FYN: variants seen among roughly 807,000 people sequenced by gnomAD.
FYN encodes the protein FYN proto-oncogene, Src family tyrosine kinase, also known as tyrosine-protein kinase Fyn.
Under a neutral mutation model 70.2 loss-of-function variants are expected in FYN, and 10 were observed. The ratio of observed to expected loss-of-function variants is 0.14; its 90% CI spans 0.09 to 0.24. The LOEUF (loss-of-function observed/expected upper bound fraction) is 0.24. Ranked by LOEUF, FYN falls within the 10% of genes least tolerant of loss-of-function variation. The pLI is 1.00. For synonymous variants in FYN, 236 were observed against 248.6 expected, an observed-to-expected ratio of 0.95 and a Z score of 0.48; for missense variants, 319 against 673.1, an observed-to-expected ratio of 0.47 and a Z score of 5.82.
chr6:111,847,984 C>G (rs2114483173), intron 1 of FYN, among the ~76,000 whole-genome samples: 1 of 152,346 alleles, frequency 6.6e-6, no homozygotes, highest in Non-Finnish European at 1.5e-5. Flanking sequence ...GGAGAAACCG[C>G]CAGGCAATAG....
In FYN at chr6:111,663,034, A is replaced by G. The variant is rs183636915; in HGVS notation, c.1406-1087T>C. On this transcript the variant is annotated intron_variant, in intron 13 of 13. Transcript: ENST00000354650. ...TAACACTACAGGAACTACCATGCTT[A>G]GGGGGTGGCCAGTGTCCTGACCTCC... Among the ~76,000 whole-genome samples the G allele has an allele frequency of 1.2e-3, 177 of 152,334 alleles. 1 individual carries two copies. The highest frequency in any genetic ancestry group is 4.1e-3 in the African/African-American group (169 of 41,568).
intron 1 of FYN, among the ~76,000 whole-genome samples, chr6:111,856,394 A>C (rs1202586921): frequency 6.6e-6 from 1 of 152,214 alleles, no homozygotes; most frequent in Non-Finnish European, 1.5e-5. Context: ...TTATTAAGAA[A>C]ATTAAAAACA....
chr6:111,668,878 G>A (rs1441120565), intron 13 of FYN, among the ~76,000 whole-genome samples: 1 of 152,242 alleles, frequency 6.6e-6, no homozygotes, highest in East Asian at 1.9e-4. Flanking sequence ...CCTGGTTGGA[G>A]AGTCCTAACC....
intron 2 of FYN, among the ~76,000 whole-genome samples, chr6:111,790,202 C>A (rs1040550396): frequency 5.1e-5 from 7 of 138,306 alleles, no homozygotes; most frequent in Non-Finnish European, 9.3e-5. Flanking sequence ...CATTTTATTT[C>A]AAAAAAAAAT....
chr6:111,713,576 T>G (rs1030504789), intron 5 of FYN, among the ~76,000 whole-genome samples: 2 of 152,064 alleles, frequency 1.3e-5, no homozygotes, highest in African/African-American at 4.8e-5. Flanking sequence ...CTAGATTTTT[T>G]TCTGAAGGGC....
intron 2 of FYN, among the ~76,000 whole-genome samples, chr6:111,797,689 T>TAC (rs1771853574): frequency 1.3e-5 from 1 of 75,268 alleles, no homozygotes; most frequent in Non-Finnish European, 2.2e-5. Context: ...TATATATATA[T>TAC]ATATATATAT....
At chr6:111,830,727 C>A (rs1772989909) in intron 2 of FYN, among the ~76,000 whole-genome samples, 1 of 151,506 alleles carries the variant, frequency 6.6e-6, no homozygotes, top group Non-Finnish European at 1.5e-5. Context: ...GGAGATAGGG[C>A]AGAGGGAGAA....
intron 8 of FYN, among the ~76,000 whole-genome samples, chr6:111,700,947 A>T (rs1336255506): frequency 6.6e-6 from 1 of 152,050 alleles, no homozygotes; most frequent in Non-Finnish European, 1.5e-5. Flanking sequence ...CCACCATGTC[A>T]GATACTCCTG....
In FYN at chr6:111,746,163, C is replaced by CT. The variant is rs974868002; in HGVS notation, c.-11-26102dup. 1.5e-4 allele frequency among the ~76,000 whole-genome samples: 23 copies of CT among 152,116 alleles called. No individual in the cohort carries two copies. The South Asian group carries it at 4.0e-3, about 26-fold the overall frequency. Reference sequence around the variant, plus strand: ...CGTGTGGATTTTTTAGTTCCCTCTTCTTTTTTTTAAAGTTTAGGCATAATT... The same window carrying CT: ...CGTGTGGATTTTTTAGTTCCCTCTTCTTTTTTTTTAAAGTTTAGGCATAATT... On this transcript the variant is annotated intron_variant, in intron 3 of 13. Transcript: ENST00000354650.
chr6:111,676,091 G>C (rs1798520381), intron 12 of FYN, among the ~76,000 whole-genome samples: 1 of 152,154 alleles, frequency 6.6e-6, no homozygotes, highest in Non-Finnish European at 1.5e-5. Flanking sequence ...ATGTACAAAA[G>C]TGGCGAATGA....
chr6:111,852,762 C>G (rs1773718719), intron 1 of FYN, among the ~76,000 whole-genome samples: 1 of 152,118 alleles, frequency 6.6e-6, no homozygotes, highest in Non-Finnish European at 1.5e-5. Flanking sequence ...TACTACAACA[C>G]ACACTGCCCT....
intron 3 of FYN, among the ~76,000 whole-genome samples, chr6:111,771,547 C>T (rs1437988355): frequency 6.6e-6 from 1 of 152,162 alleles, no homozygotes. Flanking sequence ...AAAACACTAT[C>T]ACTTCCCAAG....
At chr6:111,834,698 GTAC>G (rs1773123128) in intron 2 of FYN, among the ~76,000 whole-genome samples, 1 of 152,184 alleles carries the variant, frequency 6.6e-6, no homozygotes, top group South Asian at 2.1e-4. Context: ...TTGCTGAGTT[GTAC>G]TCAGGAGCTG....
rs1470001685 is a variant in FYN, at chr6:111,808,641, T to C, written c.-81-28006A>G. On this transcript the variant is annotated intron_variant, in intron 2 of 13. Coordinates refer to ENST00000354650, the MANE Select transcript of FYN (RefSeq NM_002037.5). The stretch of plus-strand genomic sequence containing the variant: ...CAATTTTCTGGGGCACAGAGCAGAG[T>C]GGAGAGTATTTGGATACAGAGGAGT... 2.0e-5 allele frequency among the ~76,000 whole-genome samples: 3 copies of C among 151,762 alleles called. No individual in the cohort carries two copies. In the South Asian group the frequency reaches 6.3e-4, roughly 32 times the overall value.
At chr6:111,719,662 C>A in intron 4 of FYN, 143 bp downstream of exon 4, 1 of 928,126 alleles carries the variant, frequency 1.1e-6, no homozygotes, top group Non-Finnish European at 1.6e-6. Flanking sequence ...TCTTACAACC[C>A]CTCATCTAGT....
intron 2 of FYN, among the ~76,000 whole-genome samples, chr6:111,845,473 A>G: frequency 6.6e-6 from 1 of 152,240 alleles, no homozygotes; most frequent in African/African-American, 2.4e-5. Flanking sequence ...ATCACAGGCC[A>G]TCCTGCAGAA....
At chr6:111,720,376 G>A (rs541611967) in intron 3 of FYN, among the ~76,000 whole-genome samples, 2 of 152,090 alleles carry the variant, frequency 1.3e-5, no homozygotes, top group African/African-American at 4.8e-5. Flanking sequence ...GCCTACAGAC[G>A]GTCCAATCAT....
In FYN at chr6:111,694,780, T is replaced by C; in HGVS notation, c.1043-76A>G. On this transcript the variant is annotated intron_variant, in intron 10 of 13. Coordinates refer to ENST00000354650, the MANE Select transcript of FYN (RefSeq NM_002037.5). The surrounding 1 kb of genome is among the most constrained non-coding windows in gnomAD (Gnocchi z 5.0). ...AACAGAGAGCTGTATTTGGTTTTCT[T>C]ATTAAAAGTAATAAGGTAGTCAAAT... 8 of 1,295,436 alleles carry C rather than the reference T, an allele frequency of 6.2e-6. No individual in the cohort carries two copies. Among genetic ancestry groups the C allele is most frequent in the Non-Finnish European group, 8.7e-6 (8 of 919,462 alleles). 80.2% of individuals were successfully genotyped at this position (1,295,436 alleles called of 1,614,324 possible). A position where few individuals can be genotyped will look rare whatever the true frequency, so the allele number is the denominator to read the frequency against.
At chr6:111,702,395 C>T (rs959625833) in intron 8 of FYN, 1 of 151,800 alleles carries the variant, frequency 6.6e-6, no homozygotes, top group African/African-American at 2.4e-5. Context: ...TAAGTCTAAG[C>T]CTAGTTAGGA....
Sources: allele counts gnomAD v4.1 joint callset (sites outside exome capture counted in the v4.1 genomes callset), GRCh38; gene constraint gnomAD v4.1.1; non-coding constraint Gnocchi (gnomAD v3.1); transcripts MANE v1.5; gene names NCBI Gene and HGNC (gene_info 2026-07-23, HGNC 2026-07-21).